The following CHRM5 variants were observed in gnomAD, a reference collection of about 807,000 sequenced individuals.
CHRM5 encodes the protein muscarinic acetylcholine receptor M5.
A neutral mutation model predicts 39.0 loss-of-function variants in CHRM5; 18 were observed. That is an observed-to-expected ratio of 0.46 (90% CI 0.32 to 0.68). The LOEUF is 0.68. CHRM5 is among the 30% of genes least tolerant of loss of function. CHRM5 has a pLI of 0.04. For synonymous variants in CHRM5, 241 were observed against 246.3 expected, an observed-to-expected ratio of 0.98 and a Z score of 0.20; for missense variants, 515 against 651.1, an observed-to-expected ratio of 0.79 and a Z score of 2.28.
At chr15:34,012,798 G>A (rs995615756) in intron 1 of CHRM5, among the ~76,000 whole-genome samples, 1 of 152,196 alleles carries the variant, frequency 6.6e-6, no homozygotes, top group Non-Finnish European at 1.5e-5. Context: ...GATAGGTCAA[G>A]CCTCTGCCCT....
intron 1 of CHRM5, among the ~76,000 whole-genome samples, chr15:33,986,893 G>A (rs1328908022): frequency 4.6e-5 from 7 of 152,156 alleles, no homozygotes; most frequent in African/African-American, 9.6e-5. Flanking sequence ...TCCTGACCTC[G>A]TGATCCGCCC....
At chr15:33,997,339 T>C (rs1896976750) in intron 1 of CHRM5, among the ~76,000 whole-genome samples, 1 of 151,872 alleles carries the variant, frequency 6.6e-6, no homozygotes, top group Admixed American at 6.6e-5. Context: ...AGAAACAAAA[T>C]AGCCAAATGG....
intron 1 of CHRM5, among the ~76,000 whole-genome samples, chr15:34,022,167 T>C (rs182239048): frequency 1.3e-5 from 2 of 152,346 alleles, no homozygotes; most frequent in East Asian, 3.9e-4. Context: ...CTGCTTTCTA[T>C]TGCTCCTCAG....
chr15:33,973,642 G>C (rs375322834), intron 1 of CHRM5, among the ~76,000 whole-genome samples: 5 of 152,166 alleles, frequency 3.3e-5, no homozygotes, highest in African/African-American at 1.2e-4. Context: ...AGGAGTTCGA[G>C]ACCCACCTAG....
intron 1 of CHRM5, among the ~76,000 whole-genome samples, chr15:34,017,527 G>A (rs1897986243): frequency 7.6e-6 from 1 of 131,654 alleles, no homozygotes; most frequent in South Asian, 2.4e-4. Flanking sequence ...ATGTCATCCA[G>A]GCCGGAGTGC....
At chr15:33,987,896 T>C (rs1175721218) in intron 1 of CHRM5, among the ~76,000 whole-genome samples, 1 of 152,226 alleles carries the variant, frequency 6.6e-6, no homozygotes, top group African/African-American at 2.4e-5. Flanking sequence ...CAGGTCCTGC[T>C]GGGTCTGCAT....
intron 1 of CHRM5, among the ~76,000 whole-genome samples, chr15:33,995,021 G>A (rs1230483014): frequency 6.6e-6 from 1 of 152,120 alleles, no homozygotes. Flanking sequence ...CAGCACTTTG[G>A]GAGGCCAAAG....
intron 1 of CHRM5, chr15:34,038,749 G>A: frequency 8.7e-7 from 1 of 1,149,600 alleles, no homozygotes; most frequent in South Asian, 4.2e-5. Context: ...AGTTACACGC[G>A]GTCCCAGCCC....
At chr15:34,051,150 C>T (rs751467357) in intron 2 of CHRM5, among the ~76,000 whole-genome samples, 3 of 152,198 alleles carry the variant, frequency 2.0e-5, no homozygotes, top group Non-Finnish European at 4.4e-5. Context: ...AATAGTCTGT[C>T]AGACCACAGC....
chr15:33,999,619 G>A (rs1205012959), intron 1 of CHRM5, among the ~76,000 whole-genome samples: 1 of 152,090 alleles, frequency 6.6e-6, no homozygotes, highest in Non-Finnish European at 1.5e-5. Flanking sequence ...GCATTTGCAA[G>A]TGCTCTCTGC....
intron 1 of CHRM5, among the ~76,000 whole-genome samples, chr15:33,978,380 C>T (rs1450084428): frequency 6.6e-6 from 1 of 152,082 alleles, no homozygotes; most frequent in African/African-American, 2.4e-5. Flanking sequence ...TTAAAGCGTA[C>T]AGGCCGGGCA....
At chr15:34,042,398 T>TG (rs1899507726) in intron 1 of CHRM5, among the ~76,000 whole-genome samples, 2 of 136,978 alleles carry the variant, frequency 1.5e-5, no homozygotes, top group African/African-American at 6.4e-5. Context: ...TGACCTAAGT[T>TG]TTTTTTTTTT....
At position 34,064,787 on chromosome 15, in the gene CHRM5, G is replaced by A. The variant is rs643827; in HGVS notation, c.*471G>A. 183,195 of 184,806 alleles carry A rather than the reference G, an allele frequency of 0.99. 90,821 individuals carry two copies. The highest frequency in any genetic ancestry group is 1 in the Middle Eastern group (328 of 328). 11.4% of individuals were successfully genotyped at this position (184,806 alleles called of 1,614,324 possible). A position where few individuals can be genotyped will look rare whatever the true frequency, so the allele number is the denominator to read the frequency against. On this transcript the variant is annotated 3_prime_UTR_variant, in exon 3 of 3. Coordinates refer to ENST00000383263, the MANE Select transcript of CHRM5 (RefSeq NM_012125.4). The stretch of plus-strand genomic sequence containing the variant: ...ATGTACAACAGTGTCACTTGTTAAC[G>A]AGACTGATATTCAACAGGCTTCTAA...
chr15:34,009,476 A>T (rs1220946492), intron 1 of CHRM5, among the ~76,000 whole-genome samples: 2 of 152,216 alleles, frequency 1.3e-5, no homozygotes, highest in African/African-American at 2.4e-5. Flanking sequence ...AGATTTTTTT[A>T]AAAAATCAAT....
At position 33,970,911 on chromosome 15, in the gene CHRM5, G is replaced by A. The variant is rs1006513098; in HGVS notation, c.-408+1761G>A. ...CTTGCTCCACCCCAATTTGGTCCTT[G>A]TCAGCATCAATCCCAGTGAATTTTC... On this transcript the variant is annotated intron_variant, in intron 1 of 2. Coordinates refer to ENST00000383263, the MANE Select transcript of CHRM5 (RefSeq NM_012125.4). Among the ~76,000 whole-genome samples, 8 of 152,014 alleles carry A rather than the reference G, an allele frequency of 5.3e-5. 1 individual carries two copies. Among genetic ancestry groups the A allele is most frequent in the African/African-American group, 1.9e-4 (8 of 41,530 alleles).
chr15:33,982,159 A>T (rs892893708), intron 1 of CHRM5, among the ~76,000 whole-genome samples: 2 of 151,838 alleles, frequency 1.3e-5, no homozygotes, highest in African/African-American at 4.8e-5. Flanking sequence ...GAACCACCAC[A>T]CCCAGCACTA....
At chr15:33,983,152 G>GTA (rs1252230116) in intron 1 of CHRM5, among the ~76,000 whole-genome samples, 22 of 110,830 alleles carry the variant, frequency 2.0e-4, no homozygotes, top group African/African-American at 9.2e-4. Context: ...GTGTGTGTGT[G>GTA]TGTGTGTATG....
intron 2 of CHRM5, among the ~76,000 whole-genome samples, chr15:34,060,399 G>A (rs1350144940): frequency 6.6e-6 from 1 of 152,178 alleles, no homozygotes; most frequent in Non-Finnish European, 1.5e-5. Context: ...AATTTGAGGT[G>A]TTATGAAAAC....
chr15:33,992,223 T>TA (rs1049636446), intron 1 of CHRM5, among the ~76,000 whole-genome samples: 3 of 152,050 alleles, frequency 2.0e-5, no homozygotes, highest in Non-Finnish European at 2.9e-5. Flanking sequence ...CCGTCTCTAC[T>TA]AAAAAAATAC....
Sources: allele counts gnomAD v4.1 joint callset (sites outside exome capture counted in the v4.1 genomes callset), GRCh38; gene constraint gnomAD v4.1.1; transcripts MANE v1.5; gene names NCBI Gene and HGNC (gene_info 2026-07-23, HGNC 2026-07-21).